Variants in PIWIL3 observed in about 807,000 individuals in gnomAD.
PIWIL3 encodes piwi-like protein 3.
A neutral mutation model predicts 109.7 loss-of-function variants in PIWIL3; 101 were observed. The ratio of observed to expected loss-of-function variants is 0.92; its 90% CI spans 0.78 to 1.09. The LOEUF (loss-of-function observed/expected upper bound fraction) is 1.09. Among genes scored for constraint, PIWIL3 ranks in the 50% least tolerant of loss-of-function variants. The probability of loss-of-function intolerance (pLI) is 0.00; values close to 1 mark genes in which losing one functional copy is unlikely to be tolerated. For synonymous variants in PIWIL3, 373 were observed against 376.4 expected, an observed-to-expected ratio of 0.99 and a Z score of 0.10; for missense variants, 1,031 against 1,072.6, an observed-to-expected ratio of 0.96 and a Z score of 0.54.
chr22:24,725,521 C>T lies in PIWIL3; in HGVS notation c.2010-6G>A, dbSNP rs1922939948. The T allele has an allele frequency of 1.2e-6, 2 of 1,613,718 alleles. No homozygotes were observed. Among genetic ancestry groups the T allele is most frequent in the African/African-American group, 2.7e-5 (2 of 74,944 alleles). On this transcript the variant is annotated splice_region_variant and splice_polypyrimidine_tract_variant and intron_variant, in intron 16 of 20. Transcript: ENST00000616349. ...TGACACATTGAGAGTACCACCTGTTCACAGAAAAACCACCAGTTTGGAAAA... is the reference window on the plus strand; with the variant it reads ...TGACACATTGAGAGTACCACCTGTTTACAGAAAAACCACCAGTTTGGAAAA...
At position 24,728,222 on chromosome 22, in the gene PIWIL3, C is replaced by G. The variant is rs1372964045; in HGVS notation, c.1860G>C (p.Gln620His). The change falls in exon 15 of 21, where the codon CAG (glutamine) becomes CAC (histidine). Residue 620 changes from glutamine to histidine, a missense_variant. Physicochemically the swap from Gln to His is conservative, Grantham distance 24 (BLOSUM62 0). Transcript: ENST00000616349. Reference protein sequence around the residue: ...ARTIVTKIAQQMNCKMGGALW... With the variant: ...ARTIVTKIAQHMNCKMGGALW... ...GGGCTCCTCCCATCTTGCAATTCAT[C>G]TGCTGGGCAATCTTGGTGACGATGG... The G allele has an allele frequency of 1.2e-6, 2 of 1,614,230 alleles. No individual in the cohort carries two copies. The highest frequency in any genetic ancestry group is 1.7e-5 in the Admixed American group (1 of 60,022).
chr22:24,771,015 C>T (rs549098252), intron 1 of PIWIL3, among the ~76,000 whole-genome samples: 8 of 151,972 alleles, frequency 5.3e-5, no homozygotes, highest in Non-Finnish European at 1.0e-4. Flanking sequence ...AAATAGCCAC[C>T]GGGAGAAGAC....
rs899498699 is a variant in PIWIL3 at position 24,751,252 on chromosome 22, T to C, written c.1089+135A>G. 3.5e-6 allele frequency: 3 copies of C among 853,294 alleles called. No individual in the cohort carries two copies. In the African/African-American group the frequency reaches 5.1e-5, roughly 15 times the overall value. 52.9% of individuals were successfully genotyped at this position (853,294 alleles called of 1,614,324 possible). A position where few individuals can be genotyped will look rare whatever the true frequency, so the allele number is the denominator to read the frequency against. ...GGCACGTGGATGCATGGATAATAGA[T>C]AAGTCAAGCTATAATCCCCTAAAAG... On this transcript the variant is annotated intron_variant, in intron 9 of 20. Transcript: ENST00000616349.
At chr22:24,753,235 A>G (rs1252280757) in intron 8 of PIWIL3, among the ~76,000 whole-genome samples, 3 of 152,228 alleles carry the variant, frequency 2.0e-5, no homozygotes, top group African/African-American at 7.2e-5. Context: ...CAAAGTCAAA[A>G]AGATTCAGTC....
At chr22:24,735,354 T>C (rs1296582937) in intron 13 of PIWIL3, among the ~76,000 whole-genome samples, 8 of 152,140 alleles carry the variant, frequency 5.3e-5, no homozygotes, top group Non-Finnish European at 7.4e-5. Flanking sequence ...CTATGCATTA[T>C]TGGGGGCAGG....
chr22:24,749,166 G>A, intron 11 of PIWIL3, 145 bp from the exon 12 acceptor site: 1 of 867,052 alleles, frequency 1.2e-6, no homozygotes, highest in Non-Finnish European at 1.7e-6. Flanking sequence ...CTGAAACTCA[G>A]AAATCTTGTT....
intron 14 of PIWIL3, 110 bp downstream of exon 14, chr22:24,733,974 T>C: frequency 8.2e-7 from 1 of 1,220,842 alleles, no homozygotes. Flanking sequence ...TAATCTGCTT[T>C]CGTTGGCAAG....
chr22:24,751,730 G>A (rs530928165), intron 8 of PIWIL3, among the ~76,000 whole-genome samples: 1 of 152,342 alleles, frequency 6.6e-6, no homozygotes, highest in South Asian at 2.1e-4. Context: ...ACCATAGGCA[G>A]TCACTTCCCA....
intron 12 of PIWIL3, among the ~76,000 whole-genome samples, chr22:24,738,104 T>C (rs1193199310): frequency 6.6e-6 from 1 of 151,962 alleles, no homozygotes; most frequent in Admixed American, 6.6e-5. Flanking sequence ...TGAGCCAAGA[T>C]TGCACCACTG....
At position 24,727,948 on chromosome 22, in the gene PIWIL3, ACTTT is replaced by A. The variant is rs763109443; in HGVS notation, c.2007_2009+1del. 1.9e-6 allele frequency: 3 copies of A among 1,606,636 alleles called. No homozygotes were observed. The highest frequency in any genetic ancestry group is 2.6e-6 in the Non-Finnish European group (3 of 1,174,858). On this transcript the variant is annotated splice_donor_variant and coding_sequence_variant, in exon 16 of 21. Coordinates refer to ENST00000616349, the MANE Select transcript of PIWIL3 (RefSeq NM_001255975.1). LOFTEE classifies it high-confidence loss of function. ...TAAACATGTCTACCAGAGCTTACTT[ACTTT>A]GTTAATTCAGCATTGGTACTTGCAA...
chr22:24,743,237 A>G (rs1924113518), intron 12 of PIWIL3, among the ~76,000 whole-genome samples: 1 of 152,250 alleles, frequency 6.6e-6, no homozygotes. Context: ...GAACACTTTT[A>G]TACAGCTGGT....
chr22:24,758,108 C>G (rs1471268303), intron 3 of PIWIL3, 69 bp from the exon 4 acceptor site: 2 of 1,500,848 alleles, frequency 1.3e-6, no homozygotes, highest in Non-Finnish European at 1.8e-6. Flanking sequence ...GCATTAACAC[C>G]CAGCATAAGT....
chr22:24,721,448 T>A (rs1271929130), intron 19 of PIWIL3, among the ~76,000 whole-genome samples: 1 of 152,146 alleles, frequency 6.6e-6, no homozygotes, highest in African/African-American at 2.4e-5. Context: ...TGAATATTGC[T>A]CCACCCCACC....
At chr22:24,763,983 G>GC (rs1222195832) in intron 1 of PIWIL3, among the ~76,000 whole-genome samples, 1 of 152,086 alleles carries the variant, frequency 6.6e-6, no homozygotes, top group Non-Finnish European at 1.5e-5. Flanking sequence ...GGTCAGAGGC[G>GC]CAAAGCCCCT....
intron 12 of PIWIL3, among the ~76,000 whole-genome samples, chr22:24,739,957 AG>A (rs1472675470): frequency 8.6e-5 from 13 of 151,054 alleles, no homozygotes; most frequent in Middle Eastern, 3.5e-3. Flanking sequence ...AGGCTGAGGC[AG>A]GAGAATGGTG....
chr22:24,758,153 C>A, intron 3 of PIWIL3, 114 bp from the exon 4 acceptor site: 1 of 1,242,114 alleles, frequency 8.1e-7, no homozygotes, highest in Non-Finnish European at 1.1e-6. Context: ...CCCAAGGTTC[C>A]AAAACACATT....
intron 2 of PIWIL3, 37 bp from the exon 3 acceptor site, chr22:24,760,026 C>A: frequency 6.2e-7 from 1 of 1,611,398 alleles, no homozygotes; most frequent in South Asian, 1.1e-5. Flanking sequence ...TGAGCAGTGC[C>A]CTACTGTGTT....
chr22:24,764,703 A>C (rs1229547466), intron 1 of PIWIL3, among the ~76,000 whole-genome samples: 1 of 141,268 alleles, frequency 7.1e-6, no homozygotes, highest in Non-Finnish European at 1.5e-5. Context: ...CCCAGGCTGG[A>C]GTGCAACAAT....
At chr22:24,774,146 C>A (rs1926291496) in intron 1 of PIWIL3, among the ~76,000 whole-genome samples, 176 bp downstream of exon 1, 1 of 152,208 alleles carries the variant, frequency 6.6e-6, no homozygotes, top group Admixed American at 6.5e-5. Flanking sequence ...CCTTTCCTCT[C>A]TTCTGCTAAT....
Sources: gnomAD v4.1 joint callset for allele counts (sites outside exome capture counted in the v4.1 genomes callset) on GRCh38, gnomAD v4.1.1 for gene constraint, MANE v1.5 for transcripts, NCBI Gene and HGNC (gene_info 2026-07-23, HGNC 2026-07-21) for gene names.